Variants in BICD1 observed in about 807,000 individuals in gnomAD.
BICD1 encodes protein bicaudal D homolog 1.
Under a neutral mutation model 92.5 loss-of-function variants are expected in BICD1, and 35 were observed. The observed-to-expected ratio is 0.38, with a 90% CI of 0.29 to 0.50. BICD1 has a LOEUF of 0.50. BICD1 is among the 20% of genes least tolerant of loss of function. BICD1 has a pLI of 0.93. For missense variants in BICD1, 950 were observed against 1,189.8 expected (o/e 0.80, Z 2.97); for synonymous variants, 429 against 465.1 (o/e 0.92, Z 1.00).
chr12:32,292,520 T>C (rs1364293070), intron 2 of BICD1, among the ~76,000 whole-genome samples: 1 of 152,232 alleles, frequency 6.6e-6, no homozygotes. Flanking sequence ...GAACTTTACA[T>C]GCAGAATCAT....
intron 1 of BICD1, among the ~76,000 whole-genome samples, chr12:32,187,827 C>T (rs1014516214): frequency 6.6e-6 from 1 of 152,226 alleles, no homozygotes; most frequent in Non-Finnish European, 1.5e-5. Flanking sequence ...CCACATCACA[C>T]AATATATCCA....
At chr12:32,237,143 G>A (rs1484752757) in intron 2 of BICD1, among the ~76,000 whole-genome samples, 1 of 152,136 alleles carries the variant, frequency 6.6e-6, no homozygotes, top group African/African-American at 2.4e-5. Context: ...GCCTCCCAAA[G>A]TGCTGGGATT....
chr12:32,155,987 G>A (rs1396691890), intron 1 of BICD1, among the ~76,000 whole-genome samples: 1 of 152,182 alleles, frequency 6.6e-6, no homozygotes, highest in Non-Finnish European at 1.5e-5. Context: ...GTGATTTATA[G>A]ATCTGTGTGG....
At chr12:32,307,047 A>C (rs905520510) in intron 4 of BICD1, among the ~76,000 whole-genome samples, 1 of 152,136 alleles carries the variant, frequency 6.6e-6, no homozygotes, top group Non-Finnish European at 1.5e-5. Context: ...AAGAAAAGAC[A>C]GAGCCTTAAT....
intron 9 of BICD1, among the ~76,000 whole-genome samples, chr12:32,373,956 G>A (rs76178506): frequency 0.073 from 11,105 of 151,914 alleles, 502 homozygotes; most frequent in African/African-American, 0.12. Context: ...GCTCATGCCT[G>A]TAATCCTTGC....
At chr12:32,282,202 CTTTTTTTTTTTTTTTTT>C (rs56217529) in intron 2 of BICD1, among the ~76,000 whole-genome samples, 25 of 94,252 alleles carry the variant, frequency 2.7e-4, no homozygotes, top group Middle Eastern at 5.9e-3. Flanking sequence ...AGGTCTTCTT[CTTTTTTTTTTTTTTTTT>C]TTTTTTTTTT....
At chr12:32,347,546 G>C (rs113435718) in intron 8 of BICD1, among the ~76,000 whole-genome samples, 10,125 of 151,574 alleles carry the variant, frequency 0.067, 1,128 homozygotes, top group African/African-American at 0.23. Context: ...GCTGAGGCAG[G>C]AGAATCGCTT....
At chr12:32,363,604 A>G (rs1939414225) in intron 8 of BICD1, among the ~76,000 whole-genome samples, 1 of 114,482 alleles carries the variant, frequency 8.7e-6, no homozygotes, top group East Asian at 2.4e-4. Flanking sequence ...ATGTCAGCCT[A>G]GATATCACAA....
chr12:32,137,252 T>C (rs1433741619), intron 1 of BICD1, among the ~76,000 whole-genome samples: 1 of 151,648 alleles, frequency 6.6e-6, no homozygotes, highest in Non-Finnish European at 1.5e-5. Context: ...CCACACCTGG[T>C]TGATTTTTGT....
intron 1 of BICD1, among the ~76,000 whole-genome samples, chr12:32,191,277 G>GT (rs1944558355): frequency 6.6e-6 from 1 of 152,030 alleles, no homozygotes; most frequent in South Asian, 2.1e-4. Context: ...ACTGAGATTT[G>GT]TTTTTTGAAG....
intron 2 of BICD1, among the ~76,000 whole-genome samples, chr12:32,258,404 A>C (rs970586769): frequency 1.3e-5 from 2 of 152,162 alleles, no homozygotes; most frequent in Non-Finnish European, 2.9e-5. Context: ...CTATTATTTT[A>C]AAGTAATAAA....
chr12:32,167,607 C>T (rs1338622800), intron 1 of BICD1, among the ~76,000 whole-genome samples: 1 of 152,136 alleles, frequency 6.6e-6, no homozygotes, highest in Admixed American at 6.5e-5. Context: ...AGGCGCATGC[C>T]ACCATGCCTG....
chr12:32,310,303 C>T (rs1042568565), intron 4 of BICD1, among the ~76,000 whole-genome samples: 1 of 152,202 alleles, frequency 6.6e-6, no homozygotes, highest in Non-Finnish European at 1.5e-5. Context: ...AATACTGACA[C>T]ATCAGTGCTT....
At chr12:32,147,836 A>G (rs1192489325) in intron 1 of BICD1, among the ~76,000 whole-genome samples, 3 of 152,206 alleles carry the variant, frequency 2.0e-5, no homozygotes, top group Admixed American at 6.5e-5. Context: ...AAGTATTCGT[A>G]TCTATATCTC....
At position 32,379,993 on chromosome 12, in the gene BICD1, G is replaced by T. The variant is rs748831286; in HGVS notation, c.*2366G>T. 1 of 152,126 alleles carries T rather than the reference G, an allele frequency of 6.6e-6. No homozygotes were observed. The highest frequency in any genetic ancestry group is 2.1e-4 in the South Asian group (1 of 4,820). The allele number at this position is 152,126 out of a possible 1,614,324, so 9.4% of individuals were successfully genotyped here. A position where few individuals can be genotyped will look rare whatever the true frequency, so the allele number is the denominator to read the frequency against. ...CTTCCAATACAAAGTGTATTATTAC[G>T]TCTATTATAAACTAGTTTCATTTCA... On this transcript the variant is annotated 3_prime_UTR_variant, in exon 10 of 10. Transcript: ENST00000652176.
At chr12:32,224,358 C>G (rs1408139639) in intron 2 of BICD1, among the ~76,000 whole-genome samples, 1 of 152,214 alleles carries the variant, frequency 6.6e-6, no homozygotes, top group African/African-American at 2.4e-5. Context: ...ATTTATTGAG[C>G]TCACCATATG....
At chr12:32,268,752 C>T (rs373308742) in intron 2 of BICD1, among the ~76,000 whole-genome samples, 8 of 151,958 alleles carry the variant, frequency 5.3e-5, no homozygotes, top group South Asian at 2.1e-4. Flanking sequence ...GCCAAGATCG[C>T]GCCACTGCAC....
chr12:32,150,969 T>C (rs1943270607), intron 1 of BICD1, among the ~76,000 whole-genome samples: 1 of 152,180 alleles, frequency 6.6e-6, no homozygotes, highest in African/African-American at 2.4e-5. Flanking sequence ...CCCTGCTTCT[T>C]AGCAATTTTG....
At chr12:32,122,515 A>G (rs1942193610) in intron 1 of BICD1, among the ~76,000 whole-genome samples, 2 of 151,844 alleles carry the variant, frequency 1.3e-5, no homozygotes, top group South Asian at 4.2e-4. Flanking sequence ...AAATAACAAA[A>G]AAAGAAGTAG....
Sources: gnomAD v4.1 joint callset for allele counts (sites outside exome capture counted in the v4.1 genomes callset) on GRCh38, gnomAD v4.1.1 for gene constraint, MANE v1.5 for transcripts, NCBI Gene and HGNC (gene_info 2026-07-23, HGNC 2026-07-21) for gene names.